The following GRIA3 variants were observed in gnomAD, a reference collection of about 807,000 sequenced individuals.
GRIA3 encodes glutamate receptor 3.
A neutral mutation model predicts 63.0 loss-of-function variants in GRIA3; 3 were observed. The observed-to-expected ratio is 0.05, with a 90% CI of 0.02 to 0.12. The LOEUF (loss-of-function observed/expected upper bound fraction) is 0.12. Among genes scored for constraint, GRIA3 ranks in the 10% least tolerant of loss-of-function variants. The pLI is 1.00. For synonymous variants in GRIA3, 274 were observed against 257.9 expected (o/e 1.06, Z -0.60); for missense variants, 347 against 700.9 (o/e 0.50, Z 5.70).
chrX:123,191,257 G>A (rs1202405217), intron 2 of GRIA3, among the ~76,000 whole-genome samples: 1 of 112,363 alleles, frequency 8.9e-6, no homozygotes, highest in African/African-American at 3.2e-5. Context: ...TTATTCCTTT[G>A]GCTTTGTTAC....
At chrX:123,421,791 G>A (rs991102748) in intron 11 of GRIA3, among the ~76,000 whole-genome samples, 30 of 111,619 alleles carry the variant, frequency 2.7e-4, no homozygotes, top group Middle Eastern at 4.7e-3. Flanking sequence ...CCACTGCAGC[G>A]TGGGCATTAT....
intron 4 of GRIA3, among the ~76,000 whole-genome samples, chrX:123,342,936 CA>C (rs2045018585): frequency 1.8e-5 from 2 of 111,118 alleles, no homozygotes; most frequent in Admixed American, 9.6e-5. Flanking sequence ...ATAGTAGTGA[CA>C]GTTGTTATCA....
chrX:123,370,910 T>C (rs189841776), intron 5 of GRIA3, among the ~76,000 whole-genome samples: 94 of 111,117 alleles, frequency 8.5e-4, no homozygotes, highest in African/African-American at 2.6e-3. Context: ...TATCCTCTTT[T>C]AGTTATTTTA....
intron 10 of GRIA3, among the ~76,000 whole-genome samples, chrX:123,410,935 C>T (rs2045502001): frequency 8.9e-6 from 1 of 111,924 alleles, no homozygotes; most frequent in Admixed American, 9.5e-5. Flanking sequence ...TAGATCCAGT[C>T]GGGGATACCT....
intron 2 of GRIA3, among the ~76,000 whole-genome samples, chrX:123,221,423 G>A (rs1419433620): frequency 8.9e-6 from 1 of 112,313 alleles, no homozygotes; most frequent in Non-Finnish European, 1.9e-5. Context: ...GCCTCCCAGA[G>A]GGGCACACAG....
At chrX:123,241,470 GTTTTGTTTTA>G (rs1199903483) in intron 2 of GRIA3, among the ~76,000 whole-genome samples, 6 of 110,502 alleles carry the variant, frequency 5.4e-5, no homozygotes, top group African/African-American at 1.3e-4. Context: ...TTGTGGTTTT[GTTTTGTTTTA>G]TTTTGTTTTG....
chrX:123,249,092 G>A (rs1340023176), intron 2 of GRIA3, among the ~76,000 whole-genome samples: 1 of 111,633 alleles, frequency 9.0e-6, no homozygotes, highest in Non-Finnish European at 1.9e-5. Flanking sequence ...TAGGGATGGT[G>A]AGGAAATGCC....
intron 5 of GRIA3, among the ~76,000 whole-genome samples, chrX:123,356,321 C>G (rs1191577687): frequency 4.6e-5 from 5 of 108,764 alleles, no homozygotes; most frequent in Non-Finnish European, 9.6e-5. Flanking sequence ...ATCTCTTTCC[C>G]CTTTCCTTCT....
At chrX:123,385,538 A>G (rs2045349761) in intron 5 of GRIA3, among the ~76,000 whole-genome samples, 1 of 111,945 alleles carries the variant, frequency 8.9e-6, no homozygotes, top group Non-Finnish European at 1.9e-5. Flanking sequence ...TGTCATTTGC[A>G]GTTTGATGGG....
intron 2 of GRIA3, among the ~76,000 whole-genome samples, chrX:123,220,208 A>G (rs1243487831): frequency 1.8e-5 from 2 of 112,202 alleles, no homozygotes; most frequent in African/African-American, 6.5e-5. Context: ...CTGAGTTTAG[A>G]ACAAAAGCCT....
At chrX:123,418,086 C>T (rs2045545780) in intron 11 of GRIA3, 1 of 257,065 alleles carries the variant, frequency 3.9e-6, no homozygotes, top group Non-Finnish European at 6.8e-6. Flanking sequence ...ACTAAATCTT[C>T]ATCAGATCAA....
In GRIA3 at chrX:123,185,510, G is replaced by A. The variant is rs751889664; in HGVS notation, c.110-322G>A. 8.1e-4 allele frequency among the ~76,000 whole-genome samples: 38 copies of A among 46,650 alleles called. No individual in the cohort carries two copies. The East Asian group carries it at 0.013, about 16-fold the overall frequency. The allele number at this position is 46,650 out of a possible 115,157, so 40.5% of individuals were successfully genotyped here. A position where few individuals can be genotyped will look rare whatever the true frequency, so the allele number is the denominator to read the frequency against. ...CTGTGCGGATGGGCGGGGGGCGGAG[G>A]GGGGGGGCGACTAAAAAAAAAGAAG... On this transcript the variant is annotated intron_variant, in intron 1 of 15. Transcript: ENST00000620443.
At chrX:123,387,876 T>G (rs2045362275) in intron 5 of GRIA3, among the ~76,000 whole-genome samples, 1 of 112,167 alleles carries the variant, frequency 8.9e-6, no homozygotes, top group African/African-American at 3.2e-5. Context: ...TCATGGATAT[T>G]TGCCTGTAGT....
At chrX:123,254,984 C>T (rs924483602) in intron 3 of GRIA3, among the ~76,000 whole-genome samples, 1 of 112,048 alleles carries the variant, frequency 8.9e-6, no homozygotes, top group East Asian at 2.8e-4. Context: ...ATCCATTCTA[C>T]AAGCCATTAT....
Position 123,407,700 on chromosome X carries a change from G to GGT in GRIA3, c.1500+2787_1500+2788insTG, listed in dbSNP as rs1286736095. 3.6e-5 allele frequency among the ~76,000 whole-genome samples: 3 copies of GGT among 83,124 alleles called. 1 individual carries two copies. The highest frequency in any genetic ancestry group is 7.1e-5 in the Non-Finnish European group (3 of 41,980). 72.2% of individuals were successfully genotyped at this position (83,124 alleles called of 115,157 possible). A position where few individuals can be genotyped will look rare whatever the true frequency, so the allele number is the denominator to read the frequency against. On this transcript the variant is annotated intron_variant, in intron 10 of 15. Coordinates refer to ENST00000620443, the MANE Select transcript of GRIA3 (RefSeq NM_007325.5). ...ACATATGACTTGGTTGCGGGGGGGGGGGGGACGTGGGGACACAAATATTCA... is the reference window on the plus strand; with the variant it reads ...ACATATGACTTGGTTGCGGGGGGGGGGTGGGGACGTGGGGACACAAATATTCA...
chrX:123,354,989 C>A (rs756195771), intron 5 of GRIA3, 26 bp downstream of exon 5: 1 of 1,074,253 alleles, frequency 9.3e-7, no homozygotes, highest in Non-Finnish European at 1.3e-6. Context: ...TGTCCCTGGG[C>A]AATATATCCT....
chrX:123,289,796 C>T (rs2147306869), intron 3 of GRIA3, among the ~76,000 whole-genome samples: 1 of 110,690 alleles, frequency 9.0e-6, no homozygotes, highest in African/African-American at 3.3e-5. Flanking sequence ...CATGTAAATC[C>T]ATTTGGACTG....
chrX:123,196,918 G>A (rs1927589485), intron 2 of GRIA3, among the ~76,000 whole-genome samples: 1 of 112,066 alleles, frequency 8.9e-6, no homozygotes, highest in South Asian at 3.7e-4. Context: ...CACCTCTACA[G>A]TATAGATTAA....
In GRIA3 at chrX:123,294,307, C is replaced by T. The variant is rs144802795; in HGVS notation, c.509-31719C>T. On this transcript the variant is annotated intron_variant, in intron 3 of 15. Transcript: ENST00000620443. ...ACACTCTGTGCTTATCACAACCATA[C>T]TAATCTTTGATGTGCACACAAATAG... Among the ~76,000 whole-genome samples, 16 of 111,193 alleles carry T rather than the reference C, an allele frequency of 1.4e-4. No homozygotes were observed. In the East Asian group the frequency reaches 3.7e-3, roughly 26 times the overall value.
Sources: allele counts gnomAD v4.1 joint callset (sites outside exome capture counted in the v4.1 genomes callset), GRCh38; gene constraint gnomAD v4.1.1; transcripts MANE v1.5; gene names NCBI Gene and HGNC (gene_info 2026-07-23, HGNC 2026-07-21).